The following PRH1 variants were observed in gnomAD, a reference collection of about 807,000 sequenced individuals.
PRH1 encodes the protein proline rich protein HaeIII subfamily 1, also known as salivary acidic proline-rich phosphoprotein 1/2.
A neutral mutation model predicts 7.9 loss-of-function variants in PRH1; 7 were observed. The ratio of observed to expected loss-of-function variants is 0.89; its 90% CI spans 0.50 to 1.67. The LOEUF is 1.67. Ranked by LOEUF, PRH1 falls within the 40% of genes most tolerant of loss-of-function variation. PRH1 has a pLI of 0.00. For missense variants in PRH1, 109 were observed against 223.6 expected, an observed-to-expected ratio of 0.49 and a Z score of 3.27; for synonymous variants, 45 against 80.8, an observed-to-expected ratio of 0.56 and a Z score of 2.38.
At chr12:10,983,924 C>T (rs1781912442) in intron 1 of PRH1, among the ~76,000 whole-genome samples, 2 of 152,166 alleles carry the variant, frequency 1.3e-5, no homozygotes, top group Admixed American at 1.3e-4. Context: ...GACATTGGCT[C>T]TAGTTCTAGA....
intron 1 of PRH1, among the ~76,000 whole-genome samples, chr12:11,157,818 T>C (rs1482396854): frequency 2.6e-5 from 4 of 152,188 alleles, no homozygotes; most frequent in African/African-American, 7.2e-5. Flanking sequence ...ATGATGATGA[T>C]AGTGGTGGTG....
chr12:11,106,604 T>C (rs1195064476), intron 1 of PRH1, among the ~76,000 whole-genome samples: 1 of 152,242 alleles, frequency 6.6e-6, no homozygotes, highest in Non-Finnish European at 1.5e-5. Context: ...TATTTGGTTT[T>C]ATTTTTCTCT....
chr12:10,945,039 C>T (rs1327480113), intron 2 of PRH1, among the ~76,000 whole-genome samples: 1 of 152,032 alleles, frequency 6.6e-6, no homozygotes, highest in African/African-American at 2.4e-5. Context: ...TGTGTCTCTG[C>T]CAGGTTTTGG....
At chr12:10,972,928 A>ATCCCCCCC (rs1555119295) in intron 2 of PRH1, among the ~76,000 whole-genome samples, 11 of 100,324 alleles carry the variant, frequency 1.1e-4, no homozygotes, top group African/African-American at 4.2e-4. Context: ...AAGCACCACA[A>ATCCCCCCC]CCCACCCCCC....
intron 2 of PRH1, among the ~76,000 whole-genome samples, chr12:10,901,751 G>A (rs1949727255): frequency 6.6e-6 from 1 of 151,984 alleles, no homozygotes; most frequent in Admixed American, 6.6e-5. Context: ...TATAGAAGCT[G>A]GGCAAAAGAC....
chr12:11,144,500 CTT>C (rs1946806351), intron 1 of PRH1, among the ~76,000 whole-genome samples: 1 of 152,182 alleles, frequency 6.6e-6, no homozygotes, highest in East Asian at 1.9e-4. Context: ...GGCTTGAAAA[CTT>C]GCCCAAGGCT....
At chr12:11,138,671 G>A (rs1241442652) in intron 1 of PRH1, among the ~76,000 whole-genome samples, 3 of 152,126 alleles carry the variant, frequency 2.0e-5, no homozygotes, top group Non-Finnish European at 1.5e-5. Flanking sequence ...TTCAAATTTT[G>A]ATGTTTCAAA....
chr12:11,024,451 T>C (rs374000769), intron 1 of PRH1, among the ~76,000 whole-genome samples: 23 of 108,600 alleles, frequency 2.1e-4, no homozygotes, highest in African/African-American at 6.5e-4. Flanking sequence ...GGTCTTTTTT[T>C]AATATTCTTT....
At chr12:11,092,171 C>T in intron 1 of PRH1, 1 of 1,355,252 alleles carries the variant, frequency 7.4e-7, no homozygotes, top group Non-Finnish European at 1.0e-6. Context: ...AGCAAAATTT[C>T]CAATAACAAA....
At chr12:11,113,189 T>C (rs1208238807) in intron 1 of PRH1, among the ~76,000 whole-genome samples, 1 of 151,420 alleles carries the variant, frequency 6.6e-6, no homozygotes, top group Non-Finnish European at 1.5e-5. Flanking sequence ...CCATTGACTT[T>C]CTTCAAAGAA....
At chr12:10,893,039 T>C (rs143465658) in intron 2 of PRH1, among the ~76,000 whole-genome samples, 33 of 152,348 alleles carry the variant, frequency 2.2e-4, no homozygotes, top group African/African-American at 7.9e-4. Flanking sequence ...ATTTTATTTT[T>C]TCAGTCCTAA....
At chr12:11,046,281 T>G (rs1942894959) in intron 1 of PRH1, among the ~76,000 whole-genome samples, 1 of 152,156 alleles carries the variant, frequency 6.6e-6, no homozygotes, top group African/African-American at 2.4e-5. Flanking sequence ...ATCTCTGTCT[T>G]CACTGTGCTT....
intron 2 of PRH1, among the ~76,000 whole-genome samples, chr12:10,968,319 T>C (rs1406487273): frequency 2.0e-5 from 3 of 152,222 alleles, no homozygotes; most frequent in Non-Finnish European, 4.4e-5. Context: ...AACTTTACCG[T>C]TTACTAATGT....
At chr12:11,009,034 G>T (rs1470285264) in intron 1 of PRH1, among the ~76,000 whole-genome samples, 1 of 147,240 alleles carries the variant, frequency 6.8e-6, no homozygotes, top group Non-Finnish European at 1.5e-5. Context: ...CCAACAAGAA[G>T]ATACTATTAT....
chr12:10,922,432 T>G (rs1445944733), intron 2 of PRH1, among the ~76,000 whole-genome samples: 1 of 152,216 alleles, frequency 6.6e-6, no homozygotes, highest in African/African-American at 2.4e-5. Flanking sequence ...TTATAGAGAA[T>G]AGTTCAATTT....
At chr12:11,165,912 G>C (rs1278122018) in intron 1 of PRH1, among the ~76,000 whole-genome samples, 1 of 152,232 alleles carries the variant, frequency 6.6e-6, no homozygotes, top group Non-Finnish European at 1.5e-5. Context: ...CCCTCTCCCA[G>C]TATAGTGGCA....
At chr12:11,016,728 C>T (rs1941316193) in intron 1 of PRH1, among the ~76,000 whole-genome samples, 1 of 152,210 alleles carries the variant, frequency 6.6e-6, no homozygotes. Context: ...GCCGTTATTG[C>T]CTCTTCTTGA....
Position 11,016,593 on chromosome 12 carries a change from C to G in PRH1, c.-126+30427G>C, listed in dbSNP as rs181511236. Among the ~76,000 whole-genome samples the G allele has an allele frequency of 4.1e-3, 612 of 149,624 alleles. 5 individuals carry two copies. Among genetic ancestry groups the G allele is most frequent in the African/African-American group, 0.013 (552 of 41,086 alleles). On this transcript the variant is annotated intron_variant, in intron 1 of 3. Coordinates refer to the PRH1 transcript ENST00000539853. Reference sequence around the variant, plus strand: ...GGGCCTCAAGAGATATTCCCACCTCCGCCTCCAAAAGTGCGGGGACTGCGG... The same window carrying G: ...GGGCCTCAAGAGATATTCCCACCTCGGCCTCCAAAAGTGCGGGGACTGCGG...
intron 1 of PRH1, chr12:11,133,459 C>T: frequency 6.2e-7 from 1 of 1,614,058 alleles, no homozygotes; most frequent in Non-Finnish European, 8.5e-7. Flanking sequence ...CTTGGCAGAA[C>T]ATGAAGACAG....
Sources: allele counts gnomAD v4.1 joint callset (sites outside exome capture counted in the v4.1 genomes callset), GRCh38; gene constraint gnomAD v4.1.1; transcripts MANE v1.5; gene names NCBI Gene and HGNC (gene_info 2026-07-23, HGNC 2026-07-21).